The following SEMA3E variants were observed in gnomAD, a reference collection of about 807,000 sequenced individuals.
The protein encoded by SEMA3E is semaphorin-3E.
In SEMA3E, 49 loss-of-function variants were observed where a neutral mutation model predicts 93.6. The observed-to-expected ratio is 0.52, with a 90% CI of 0.42 to 0.66. SEMA3E has a LOEUF of 0.66. SEMA3E is among the 30% of genes least tolerant of loss of function. The pLI is 0.00. For missense variants in SEMA3E, 906 were observed against 964.8 expected (o/e 0.94, Z 0.81); for synonymous variants, 363 against 330.7 (o/e 1.10, Z -1.06).
At chr7:83,505,725 T>C (rs970941973) in intron 1 of SEMA3E, among the ~76,000 whole-genome samples, 2 of 152,048 alleles carry the variant, frequency 1.3e-5, no homozygotes, top group African/African-American at 2.4e-5. Flanking sequence ...TACAATTATA[T>C]ATATTTGTGG....
At chr7:83,630,558 A>G (rs1650225151) in intron 1 of SEMA3E, among the ~76,000 whole-genome samples, 1 of 152,172 alleles carries the variant, frequency 6.6e-6, no homozygotes, top group Non-Finnish European at 1.5e-5. Flanking sequence ...TGAGTCTGTC[A>G]TGTGTTATCT....
At chr7:83,625,279 A>T (rs147771254) in intron 1 of SEMA3E, among the ~76,000 whole-genome samples, 266 of 152,322 alleles carry the variant, frequency 1.7e-3, no homozygotes, top group African/African-American at 6.2e-3. Context: ...TGATACCTTG[A>T]TGGGGATAGC....
intron 1 of SEMA3E, among the ~76,000 whole-genome samples, chr7:83,513,511 G>T (rs1007670084): frequency 6.6e-6 from 1 of 152,134 alleles, no homozygotes; most frequent in Non-Finnish European, 1.5e-5. Context: ...TTAAAATGTT[G>T]TATATTAATT....
chr7:83,557,343 T>C (rs2115823570), intron 1 of SEMA3E, among the ~76,000 whole-genome samples: 1 of 151,532 alleles, frequency 6.6e-6, no homozygotes, highest in African/African-American at 2.4e-5. Flanking sequence ...ACTATTATGC[T>C]TATTAAAAAT....
At chr7:83,591,047 C>T (rs1792746464) in intron 1 of SEMA3E, among the ~76,000 whole-genome samples, 1 of 139,734 alleles carries the variant, frequency 7.2e-6, no homozygotes. Flanking sequence ...TTTTAATTTT[C>T]TGTTAATTTA....
chr7:83,472,503 C>T (rs1190426148), intron 2 of SEMA3E, among the ~76,000 whole-genome samples: 3 of 152,080 alleles, frequency 2.0e-5, no homozygotes, highest in Non-Finnish European at 2.9e-5. Context: ...TATTGTTTAT[C>T]CCCACATCTG....
chr7:83,500,883 G>T (rs1790585276), intron 1 of SEMA3E, among the ~76,000 whole-genome samples: 1 of 152,058 alleles, frequency 6.6e-6, no homozygotes, highest in African/African-American at 2.4e-5. Flanking sequence ...GAGCCACCAT[G>T]CCCGGCCTCT....
At position 83,408,791 on chromosome 7, in the gene SEMA3E, A is replaced by G. The variant is rs2709955; in HGVS notation, c.551-304T>C. 0.51 allele frequency among the ~76,000 whole-genome samples: 76,576 copies of G among 151,502 alleles called. 22,159 individuals are homozygous for G. Among genetic ancestry groups the G allele is most frequent in the East Asian group, 0.85 (4,330 of 5,106 alleles). On this transcript the variant is annotated intron_variant, in intron 5 of 16. Coordinates refer to ENST00000643230, the MANE Select transcript of SEMA3E (RefSeq NM_012431.3). ...AAGCACTTGGAAGATCAGCTGGTAA[A>G]TAGTAAGACCTATATGAGTTTTTGG... is the stretch of plus-strand genomic sequence containing the variant.
chr7:83,417,324 T>C (rs1788573167), intron 5 of SEMA3E, among the ~76,000 whole-genome samples: 1 of 152,068 alleles, frequency 6.6e-6, no homozygotes, highest in African/African-American at 2.4e-5. Flanking sequence ...CAAAATAAAC[T>C]GACTTGAATA....
intron 4 of SEMA3E, chr7:83,424,874 GC>G: frequency 3.8e-6 from 1 of 266,076 alleles, no homozygotes. Context: ...GAGGAATGGG[GC>G]CCTGACCTAC....
chr7:83,506,891 T>C (rs1049349188), intron 1 of SEMA3E, among the ~76,000 whole-genome samples: 6 of 152,374 alleles, frequency 3.9e-5, no homozygotes, highest in African/African-American at 1.4e-4. Flanking sequence ...CTTCAAGGTA[T>C]AAAATTAGTT....
chr7:83,390,507 T>A (rs1029659729), intron 14 of SEMA3E, among the ~76,000 whole-genome samples: 3 of 152,140 alleles, frequency 2.0e-5, no homozygotes, highest in Non-Finnish European at 2.9e-5. Flanking sequence ...GGATTGTGAA[T>A]TACTGTTTTT....
intron 4 of SEMA3E, among the ~76,000 whole-genome samples, chr7:83,431,674 A>C (rs976691540): frequency 2.8e-5 from 2 of 71,466 alleles, no homozygotes; most frequent in African/African-American, 3.9e-5. Context: ...AAAATGCTGG[A>C]GTTACAAGCA....
intron 1 of SEMA3E, among the ~76,000 whole-genome samples, chr7:83,555,782 A>G (rs1201272456): frequency 2.6e-5 from 4 of 152,238 alleles, no homozygotes; most frequent in Non-Finnish European, 5.9e-5. Context: ...AGCAAATTCT[A>G]TTTGCTGTTC....
At chr7:83,592,564 A>C (rs1307084649) in intron 1 of SEMA3E, among the ~76,000 whole-genome samples, 1 of 152,218 alleles carries the variant, frequency 6.6e-6, no homozygotes, top group East Asian at 1.9e-4. Context: ...TGAAATTATC[A>C]ATATTTGATG....
chr7:83,502,977 A>C (rs1790623205), intron 1 of SEMA3E, among the ~76,000 whole-genome samples: 1 of 151,362 alleles, frequency 6.6e-6, no homozygotes, highest in Admixed American at 6.6e-5. Flanking sequence ...ATAGTACCTA[A>C]TGGACAGCAA....
At chr7:83,599,144 G>A (rs895967803) in intron 1 of SEMA3E, among the ~76,000 whole-genome samples, 1 of 152,122 alleles carries the variant, frequency 6.6e-6, no homozygotes, top group African/African-American at 2.4e-5. Context: ...GAAAGCCTTG[G>A]TAAAGTAGTA....
At position 83,451,267 on chromosome 7, in the gene SEMA3E, T is replaced by C. The variant is rs150150377; in HGVS notation, c.456+15215A>G. On this transcript the variant is annotated intron_variant, in intron 4 of 16. Transcript: ENST00000643230. ...TTTCAGGCAGTTCTTTATAGCAGCATGGGAACAGACTAATACAGGGGGACT... is the reference window on the plus strand; with the variant it reads ...TTTCAGGCAGTTCTTTATAGCAGCACGGGAACAGACTAATACAGGGGGACT... Among the ~76,000 whole-genome samples the C allele has an allele frequency of 4.3e-4, 65 of 152,300 alleles. 1 individual carries two copies. The highest frequency in any genetic ancestry group is 1.5e-3 in the African/African-American group (61 of 41,558).
At chr7:83,627,668 G>C (rs973846982) in intron 1 of SEMA3E, among the ~76,000 whole-genome samples, 5 of 78,614 alleles carry the variant, frequency 6.4e-5, no homozygotes, top group Non-Finnish European at 1.2e-4. Flanking sequence ...CCATTTGCTT[G>C]GTAAATCTTC....
Sources: gnomAD v4.1 joint callset for allele counts (sites outside exome capture counted in the v4.1 genomes callset) on GRCh38, gnomAD v4.1.1 for gene constraint, MANE v1.5 for transcripts, NCBI Gene and HGNC (gene_info 2026-07-23, HGNC 2026-07-21) for gene names.